Variants in ZFYVE9 observed in about 807,000 individuals in gnomAD.
The protein encoded by ZFYVE9 is zinc finger FYVE domain-containing protein 9.
Under a neutral mutation model 126.7 loss-of-function variants are expected in ZFYVE9, and 43 were observed. That is an observed-to-expected ratio of 0.34 (90% CI 0.27 to 0.44). The LOEUF (loss-of-function observed/expected upper bound fraction) is 0.44, where lower values mean the gene tolerates loss of function less well. Ranked by LOEUF, ZFYVE9 falls within the 20% of genes least tolerant of loss-of-function variation. ZFYVE9 has a pLI of 1.00. For synonymous variants in ZFYVE9, 521 were observed against 597.4 expected (o/e 0.87, Z 1.87); for missense variants, 1,476 against 1,697.0 (o/e 0.87, Z 2.29).
rs1187017044 is a variant in ZFYVE9 at position 52,142,245 on chromosome 1, T to TAGC, written c.-295_-293dup. The stretch of plus-strand genomic sequence containing the variant: ...ATGCGGCTGGGCGGGTGCCGGGCCT[T>TAGC]AGCAGCAGTAGCAGCCGCAGCTGCG... On this transcript the variant is annotated 5_prime_UTR_variant, in exon 1 of 19. Coordinates refer to ENST00000287727, the MANE Select transcript of ZFYVE9 (RefSeq NM_004799.4). The surrounding 1 kb of genome is among the most constrained non-coding windows in gnomAD (Gnocchi z 4.5). The TAGC allele has an allele frequency of 1.3e-5, 2 of 151,486 alleles. No individual in the cohort carries two copies. Among genetic ancestry groups the TAGC allele is most frequent in the Non-Finnish European group, 3.0e-5 (2 of 67,772 alleles). The allele number at this position is 151,486 out of a possible 1,614,324, so 9.4% of individuals were successfully genotyped here.
At chr1:52,167,971 TGAAAG>T (rs1332475572) in intron 1 of ZFYVE9, among the ~76,000 whole-genome samples, 1 of 152,166 alleles carries the variant, frequency 6.6e-6, no homozygotes, top group Non-Finnish European at 1.5e-5. Context: ...AGCAGGCTGT[TGAAAG>T]GAGTTAGAAG....
At chr1:52,206,769 C>T (rs1056607943) in intron 1 of ZFYVE9, among the ~76,000 whole-genome samples, 9 of 152,226 alleles carry the variant, frequency 5.9e-5, no homozygotes, top group East Asian at 3.9e-4. Context: ...AGGCTCTTCT[C>T]GAACTCCTGA....
At chr1:52,193,047 A>G (rs368257708) in intron 1 of ZFYVE9, among the ~76,000 whole-genome samples, 10 of 152,174 alleles carry the variant, frequency 6.6e-5, no homozygotes, top group African/African-American at 2.4e-4. Context: ...AAGGTCAGAC[A>G]TCTCATGCTT....
At position 52,251,069 on chromosome 1, in the gene ZFYVE9, TGTTTTTTG is replaced by T. The variant is rs375147463; in HGVS notation, c.2178+11475_2178+11482del. Among the ~76,000 whole-genome samples, 715 of 151,534 alleles carry T rather than the reference TGTTTTTTG, an allele frequency of 4.7e-3. 7 individuals carry two copies. The highest frequency in any genetic ancestry group is 0.016 in the African/African-American group (669 of 41,184). ...GTTGTTGTTGTTGTTGTTGTTTGTTTGTTTTTTGTTTTTCTTTTTTGAGATGGAGTCTC... is the reference window on the plus strand; with the variant it reads ...GTTGTTGTTGTTGTTGTTGTTTGTTTTTTTTCTTTTTTGAGATGGAGTCTC... On this transcript the variant is annotated intron_variant, in intron 4 of 18. Coordinates refer to ENST00000287727, the MANE Select transcript of ZFYVE9 (RefSeq NM_004799.4).
chr1:52,269,979 A>G (rs1275230164), intron 7 of ZFYVE9, among the ~76,000 whole-genome samples: 6 of 152,088 alleles, frequency 3.9e-5, no homozygotes, highest in Admixed American at 2.6e-4. Flanking sequence ...AACCTACAGA[A>G]AAGTTACAAG....
intron 10 of ZFYVE9, among the ~76,000 whole-genome samples, chr1:52,288,029 C>A (rs1645879904): frequency 6.6e-6 from 1 of 152,148 alleles, no homozygotes; most frequent in Admixed American, 6.5e-5. Flanking sequence ...TGATTTAAGA[C>A]AAAATACCTA....
At chr1:52,160,395 A>C in intron 1 of ZFYVE9, 2 of 1,098,544 alleles carry the variant, frequency 1.8e-6, no homozygotes, top group Non-Finnish European at 2.8e-6. Flanking sequence ...TCAGACACCA[A>C]CTTTGGGACA....
intron 13 of ZFYVE9, among the ~76,000 whole-genome samples, chr1:52,304,252 ATATT>A: frequency 6.6e-6 from 1 of 151,824 alleles, no homozygotes; most frequent in African/African-American, 2.4e-5. Context: ...CCTACTATAA[ATATT>A]TATTTATTTA....
intron 13 of ZFYVE9, among the ~76,000 whole-genome samples, chr1:52,322,578 A>G (rs983116192): frequency 1.3e-5 from 2 of 151,088 alleles, no homozygotes; most frequent in Non-Finnish European, 3.0e-5. Context: ...GGGTTTCACT[A>G]TATTGGCCAG....
In ZFYVE9 at chr1:52,337,763, G is replaced by A; in HGVS notation, c.3671-9G>A. 1.2e-6 allele frequency: 2 copies of A among 1,613,598 alleles called. No homozygotes were observed. The highest frequency in any genetic ancestry group is 1.7e-6 in the Non-Finnish European group (2 of 1,179,624). On this transcript the variant is annotated splice_polypyrimidine_tract_variant and intron_variant, in intron 15 of 18. Coordinates refer to ENST00000287727, the MANE Select transcript of ZFYVE9 (RefSeq NM_004799.4). ...TTTGCCTCTCCTTTGGCTTTGTACT[G>A]ATTCTTAGATGGTGTTATGGTCCAG...
intron 11 of ZFYVE9, among the ~76,000 whole-genome samples, chr1:52,295,023 A>G (rs1234415409): frequency 2.0e-5 from 3 of 152,192 alleles, no homozygotes; most frequent in Admixed American, 6.5e-5. Context: ...CCTGGCCAAC[A>G]TGGTGAATCC....
chr1:52,340,271 C>G (rs778304595), intron 17 of ZFYVE9, 40 bp downstream of exon 17: 2 of 1,534,116 alleles, frequency 1.3e-6, no homozygotes, highest in African/African-American at 2.7e-5. Flanking sequence ...CCACTTTGAG[C>G]ACAACTTTTT....
At chr1:52,186,949 C>T (rs1419456803) in intron 1 of ZFYVE9, among the ~76,000 whole-genome samples, 1 of 152,056 alleles carries the variant, frequency 6.6e-6, no homozygotes. Flanking sequence ...TGGCATTCTA[C>T]ACAGAACTAG....
chr1:52,238,993 G>A lies in ZFYVE9; in HGVS notation c.1576G>A (p.Glu526Lys). The A allele has an allele frequency of 6.2e-7, 1 of 1,614,148 alleles. No homozygotes were observed. The highest frequency in any genetic ancestry group is 8.5e-7 in the Non-Finnish European group (1 of 1,180,010). Residue 526 changes from glutamate to lysine, a missense_variant, in exon 4 of 19, where the codon GAG becomes AAG. Glu to Lys is a moderately conservative substitution (Grantham distance 56). This residue lies in a region of ZFYVE9 where 807 missense variants were observed against 794.6 expected (regional missense o/e 1.02). Coordinates refer to ENST00000287727, the MANE Select transcript of ZFYVE9 (RefSeq NM_004799.4). ...YSNIYEQRGNEATEGSGLLLN... is the reference protein window; with the variant it reads ...YSNIYEQRGNKATEGSGLLLN... The stretch of plus-strand genomic sequence containing the variant: ...AAATATTTATGAACAGAGAGGAAAT[G>A]AGGCCACAGAAGGGAGTGGACTACT...
intron 10 of ZFYVE9, among the ~76,000 whole-genome samples, chr1:52,288,941 A>G (rs981683667): frequency 2.1e-4 from 30 of 140,682 alleles, no homozygotes; most frequent in East Asian, 5.8e-4. Flanking sequence ...AAAAAAAAAA[A>G]AAAAAGAAAA....
At chr1:52,224,884 CTGGAGG>C (rs1471381998) in intron 2 of ZFYVE9, among the ~76,000 whole-genome samples, 2 of 152,160 alleles carry the variant, frequency 1.3e-5, no homozygotes, top group Non-Finnish European at 2.9e-5. Context: ...CCTTTTCCCA[CTGGAGG>C]TTTCTTGCAC....
At chr1:52,161,446 C>T (rs185759279) in intron 1 of ZFYVE9, among the ~76,000 whole-genome samples, 13 of 152,230 alleles carry the variant, frequency 8.5e-5, no homozygotes, top group African/African-American at 2.4e-4. Flanking sequence ...CGCACTACCA[C>T]GCCCAGCTAA....
intron 1 of ZFYVE9, among the ~76,000 whole-genome samples, chr1:52,148,826 G>A (rs1359587262): frequency 6.6e-6 from 1 of 151,442 alleles, no homozygotes; most frequent in Non-Finnish European, 1.5e-5. Flanking sequence ...AATTTTAGTA[G>A]CGACGGGATT....
At chr1:52,253,517 C>A in intron 4 of ZFYVE9, 2 of 655,962 alleles carry the variant, frequency 3.0e-6, no homozygotes, top group Non-Finnish European at 5.5e-6. Context: ...ACACGTGGGT[C>A]GCTGGGGAAC....
Sources: gnomAD v4.1 joint callset for allele counts (sites outside exome capture counted in the v4.1 genomes callset) on GRCh38, gnomAD v4.1.1 for gene constraint, gnomAD v4.1.1 regional missense constraint, Gnocchi (gnomAD v3.1) non-coding constraint, MANE v1.5 for transcripts, NCBI Gene and HGNC (gene_info 2026-07-23, HGNC 2026-07-21) for gene names.